TRPC4: variants seen among roughly 807,000 people sequenced by gnomAD.
TRPC4 encodes the protein transient receptor potential cation channel subfamily C member 4.
Under a neutral mutation model 99.4 loss-of-function variants are expected in TRPC4, and 49 were observed. The observed-to-expected ratio is 0.49, with a 90% confidence interval of 0.39 to 0.63. The LOEUF (loss-of-function observed/expected upper bound fraction) is 0.63. Ranked by LOEUF, TRPC4 falls within the 20% of genes least tolerant of loss-of-function variation. The pLI is 0.00. For missense variants in TRPC4, 898 were observed against 1,152.9 expected (o/e 0.78, Z 3.20); for synonymous variants, 454 against 425.9 (o/e 1.07, Z -0.81).
At chr13:37,852,764 T>A (rs910647336) in intron 1 of TRPC4, among the ~76,000 whole-genome samples, 13 of 151,996 alleles carry the variant, frequency 8.6e-5, no homozygotes, top group Admixed American at 8.5e-4. Context: ...CTGTGCAGCG[T>A]TTACCACAAG....
At chr13:37,782,892 G>T (rs903015611) in intron 2 of TRPC4, 64 bp downstream of exon 2, 67 of 1,220,244 alleles carry the variant, frequency 5.5e-5, no homozygotes, top group Non-Finnish European at 6.4e-5. Context: ...AAAAAAGAAA[G>T]AAAAGAAAAA....
chr13:37,674,458 T>G (rs1952975580), intron 4 of TRPC4, 91 bp from the exon 5 acceptor site: 1 of 1,372,246 alleles, frequency 7.3e-7, no homozygotes, highest in Admixed American at 2.5e-5. Context: ...ATCTCGAAGC[T>G]ACAAGAGACC....
chr13:37,798,347 T>C (rs148315949), intron 1 of TRPC4, among the ~76,000 whole-genome samples: 67 of 152,228 alleles, frequency 4.4e-4, no homozygotes, highest in African/African-American at 1.5e-3. Context: ...AATTGAGGAA[T>C]TAAATTACCC....
At chr13:37,658,875 C>T (rs1952334782) in intron 6 of TRPC4, among the ~76,000 whole-genome samples, 1 of 151,930 alleles carries the variant, frequency 6.6e-6, no homozygotes, top group South Asian at 2.1e-4. Flanking sequence ...TGACACTGGG[C>T]ATTCAGTCAG....
chr13:37,783,547 CAA>C (rs1451229727), intron 1 of TRPC4, among the ~76,000 whole-genome samples, 187 bp from the exon 2 acceptor site: 1 of 150,860 alleles, frequency 6.6e-6, no homozygotes, highest in East Asian at 1.9e-4. Context: ...TATGTGGAAA[CAA>C]AGTTTTCTTT....
At chr13:37,767,085 C>A (rs1956394190) in intron 2 of TRPC4, among the ~76,000 whole-genome samples, 1 of 151,218 alleles carries the variant, frequency 6.6e-6, no homozygotes, top group Non-Finnish European at 1.5e-5. Flanking sequence ...TTGAACACTG[C>A]ATAATTAATG....
At position 37,637,015 on chromosome 13, in the gene TRPC4, A is replaced by T; in HGVS notation, c.2822T>A (p.Val941Asp). The change falls in exon 11 of 11, where the codon GTT becomes GAT. Residue 941 changes from valine to aspartate, a missense_variant. Coordinates refer to ENST00000379705, the MANE Select transcript of TRPC4 (RefSeq NM_016179.4). ...ATGTTTCTCCTTTGGTATTATAGGA[A>T]CCGTGTCCTCCACCACCACCTTCTC... is the stretch of plus-strand genomic sequence containing the variant. ...KSEKVVVEDT[V>D]PIIPKEKHAK... 6.2e-7 allele frequency: 1 copy of T among 1,613,704 alleles called. No homozygotes were observed. The highest frequency in any genetic ancestry group is 8.5e-7 in the Non-Finnish European group (1 of 1,179,744).
intron 3 of TRPC4, among the ~76,000 whole-genome samples, chr13:37,732,579 C>CA (rs1235959550): frequency 6.6e-6 from 1 of 152,094 alleles, no homozygotes; most frequent in African/African-American, 2.4e-5. Context: ...AAAGGCTTCA[C>CA]AAAAAACTCT....
At chr13:37,830,446 C>CG (rs1288509465) in intron 1 of TRPC4, among the ~76,000 whole-genome samples, 2 of 151,786 alleles carry the variant, frequency 1.3e-5, no homozygotes, top group Non-Finnish European at 2.9e-5. Context: ...TGATGGCTGA[C>CG]GCCTGTAATC....
At chr13:37,766,626 T>C (rs1956377611) in intron 2 of TRPC4, among the ~76,000 whole-genome samples, 2 of 151,350 alleles carry the variant, frequency 1.3e-5, no homozygotes, top group Admixed American at 6.6e-5. Flanking sequence ...GATACATGTG[T>C]AGGGTAGGAA....
At chr13:37,658,563 C>G (rs924599881) in intron 6 of TRPC4, among the ~76,000 whole-genome samples, 16 of 152,060 alleles carry the variant, frequency 1.1e-4, no homozygotes, top group Non-Finnish European at 2.2e-4. Flanking sequence ...TAATGTATGA[C>G]TCCAACTGGC....
At chr13:37,694,559 A>G (rs1376489073) in intron 3 of TRPC4, among the ~76,000 whole-genome samples, 1 of 152,252 alleles carries the variant, frequency 6.6e-6, no homozygotes, top group Non-Finnish European at 1.5e-5. Flanking sequence ...ATTACCTAAA[A>G]AAAAGCAAGG....
chr13:37,782,834 G>A, intron 2 of TRPC4, 122 bp downstream of exon 2: 1 of 981,082 alleles, frequency 1.0e-6, no homozygotes, highest in Non-Finnish European at 1.4e-6. Context: ...TTCAGATTTT[G>A]AAGCTTATAT....
intron 3 of TRPC4, among the ~76,000 whole-genome samples, chr13:37,740,464 G>A (rs1593629338): frequency 1.3e-5 from 2 of 152,270 alleles, no homozygotes; most frequent in African/African-American, 4.8e-5. Context: ...TATCAAAAAA[G>A]AGTTTATAAA....
intron 1 of TRPC4, among the ~76,000 whole-genome samples, chr13:37,855,296 G>GATATATATATATATATATAT (rs139637183): frequency 2.8e-5 from 4 of 140,440 alleles, no homozygotes; most frequent in African/African-American, 1.1e-4. Flanking sequence ...ATACAATGTA[G>GATATATATATATATATATAT]ATATATATAT....
At chr13:37,861,691 A>G (rs2139720266) in intron 1 of TRPC4, among the ~76,000 whole-genome samples, 1 of 151,686 alleles carries the variant, frequency 6.6e-6, no homozygotes, top group East Asian at 1.9e-4. Flanking sequence ...TGTGCAGTTC[A>G]GCTCCAAGTA....
At chr13:37,838,334 C>A (rs76260588) in intron 1 of TRPC4, among the ~76,000 whole-genome samples, 1 of 152,182 alleles carries the variant, frequency 6.6e-6, no homozygotes, top group African/African-American at 2.4e-5. Flanking sequence ...CTACCTCTCA[C>A]CCACTAATCC....
rs1310105993 is a variant in TRPC4, at chr13:37,637,473, C to G, written c.2364G>C (p.Lys788Asn). 6.2e-7 allele frequency: 1 copy of G among 1,613,570 alleles called. No homozygotes were observed. Among genetic ancestry groups the G allele is most frequent in the Non-Finnish European group, 8.5e-7 (1 of 1,179,772 alleles). ...AAAGGCTGAAATTCTTTTTCTTGTC[C>G]TTGCTATTACCTTCGCTATCACTCT... ...DEKSDSEGNSKDKKKNFSLFD... is the reference protein window; with the variant it reads ...DEKSDSEGNSNDKKKNFSLFD... Residue 788 changes from lysine to asparagine, a missense_variant, in exon 11 of 11, where the codon AAG becomes AAC. Physicochemically the swap from Lys to Asn is moderately conservative, Grantham distance 94 (BLOSUM62 0). Transcript: ENST00000379705.
chr13:37,782,289 T>C (rs1692472089), intron 2 of TRPC4, among the ~76,000 whole-genome samples: 1 of 152,130 alleles, frequency 6.6e-6, no homozygotes, highest in African/African-American at 2.4e-5. Context: ...ACACATTGTA[T>C]TTATAATTGT....
Sources: gnomAD v4.1 joint callset for allele counts (sites outside exome capture counted in the v4.1 genomes callset) on GRCh38, gnomAD v4.1.1 for gene constraint, MANE v1.5 for transcripts, NCBI Gene and HGNC (gene_info 2026-07-23, HGNC 2026-07-21) for gene names.